The following JAK2 variants were observed in gnomAD, a reference collection of about 807,000 sequenced individuals.
JAK2 encodes Janus kinase 2.
JAK2 carries 86 observed loss-of-function variants against 139.3 expected under a neutral mutation model. The observed-to-expected ratio is 0.62, with a 90% CI of 0.52 to 0.74. The LOEUF is 0.74. JAK2 is among the 30% of genes least tolerant of loss of function. The probability of loss-of-function intolerance (pLI) is 0.00; values close to 1 mark genes in which losing one functional copy is unlikely to be tolerated. For synonymous variants in JAK2, 490 were observed against 437.7 expected (o/e 1.12, Z -1.49); for missense variants, 1,421 against 1,360.3 (o/e 1.04, Z -0.70).
Position 5,048,258 on chromosome 9 carries a change from C to A in JAK2, c.469-2428C>A, listed in dbSNP as rs372546847. On this transcript the variant is annotated intron_variant, in intron 5 of 24. Coordinates refer to ENST00000381652, the MANE Select transcript of JAK2 (RefSeq NM_004972.4). ...CCAGGTTCAAGTGATTCTCCTGACT[C>A]AGCCTCCCTAGTAGCTGGGATTACA... 6.4e-3 allele frequency among the ~76,000 whole-genome samples: 978 copies of A among 152,180 alleles called. 9 individuals are homozygous for A. The highest frequency in any genetic ancestry group is 0.023 in the African/African-American group (942 of 41,508).
rs141138627 is a variant in JAK2 at position 5,037,666 on chromosome 9, A to T, written c.351-6737A>T. On this transcript the variant is annotated intron_variant, in intron 4 of 24. Coordinates refer to ENST00000381652, the MANE Select transcript of JAK2 (RefSeq NM_004972.4). ...GGTGGGAATTGAACAATGAGAACAC[A>T]TGGACACAGGAATGGAACATCACAT... Among the ~76,000 whole-genome samples the T allele has an allele frequency of 1.6e-3, 239 of 152,256 alleles. 2 individuals carry two copies. The East Asian group carries it at 0.021, about 13-fold the overall frequency.
intron 2 of JAK2, among the ~76,000 whole-genome samples, chr9:5,020,018 C>T (rs1822307996): frequency 1.3e-5 from 2 of 152,124 alleles, no homozygotes; most frequent in Admixed American, 1.3e-4. Context: ...TTTGGGTCTC[C>T]AGGTGACTTG....
chr9:5,088,840 C>A (rs376496749), intron 19 of JAK2, among the ~76,000 whole-genome samples: 1 of 152,014 alleles, frequency 6.6e-6, no homozygotes, highest in African/African-American at 2.4e-5. Flanking sequence ...AGAGTTCCAC[C>A]CTTATAACCT....
In JAK2 at chr9:5,128,080, T is replaced by TTGCG. The variant is rs1379585761; in HGVS notation, c.*1291_*1292insCGTG. ...TAGCTAAAATAAAATATGGTGGGTT[T>TTGCG]TGTGTGTGTGTGTGTGTGTGTGTGT... On this transcript the variant is annotated 3_prime_UTR_variant, in exon 25 of 25. Transcript: ENST00000381652. 4.6e-6 allele frequency: 1 copy of TTGCG among 215,658 alleles called. No individual in the cohort carries two copies. The highest frequency in any genetic ancestry group is 6.5e-5 in the East Asian group (1 of 15,272). The allele number at this position is 215,658 out of a possible 1,614,324, so 13.4% of individuals were successfully genotyped here.
chr9:5,088,984 T>A (rs533860161), intron 19 of JAK2, among the ~76,000 whole-genome samples: 4 of 152,248 alleles, frequency 2.6e-5, no homozygotes, highest in African/African-American at 7.2e-5. Context: ...TCCATCCAGA[T>A]CACTGACAGT....
intron 22 of JAK2, among the ~76,000 whole-genome samples, chr9:5,115,302 A>T (rs558191314): frequency 2.0e-5 from 3 of 152,332 alleles, no homozygotes; most frequent in Non-Finnish European, 4.4e-5. Flanking sequence ...CAACAAACAT[A>T]TGAAAAAAAG....
At chr9:5,050,970 G>C in intron 6 of JAK2, 139 bp downstream of exon 6, 1 of 772,638 alleles carries the variant, frequency 1.3e-6, no homozygotes, top group South Asian at 1.8e-5. Context: ...CTTGGAATCA[G>C]AAATGCTTCA....
At chr9:5,045,526 C>T (rs953727341) in intron 5 of JAK2, among the ~76,000 whole-genome samples, 2 of 152,152 alleles carry the variant, frequency 1.3e-5, no homozygotes, top group Admixed American at 6.5e-5. Context: ...GAACATTTTT[C>T]ATCTTCCCAA....
Position 5,054,976 on chromosome 9 carries a change from G to A in JAK2, c.936+92G>A, listed in dbSNP as rs1563961263. On this transcript the variant is annotated intron_variant, in intron 7 of 24. Transcript: ENST00000381652. This position sits in a 1 kb window ranked among gnomAD's most constrained non-coding sequence, Gnocchi z 4.9. ...TTTTAATCATTTGCAACATGGTATT[G>A]CACTTCTCCCATTTGATAGAAGTGG... The A allele has an allele frequency of 1.1e-6, 1 of 887,148 alleles. No homozygotes were observed. Among genetic ancestry groups the A allele is most frequent in the African/African-American group, 1.7e-5 (1 of 58,968 alleles). The allele number at this position is 887,148 out of a possible 1,614,324, so 55.0% of individuals were successfully genotyped here. A position where few individuals can be genotyped will look rare whatever the true frequency, so the allele number is the denominator to read the frequency against.
intron 2 of JAK2, among the ~76,000 whole-genome samples, chr9:4,999,836 A>G (rs1320481494): frequency 6.6e-6 from 1 of 152,130 alleles, no homozygotes; most frequent in Non-Finnish European, 1.5e-5. Flanking sequence ...TTTTTTCCCA[A>G]TATTTAGACT....
At chr9:5,086,004 T>C (rs1240867217) in intron 19 of JAK2, 4 of 839,678 alleles carry the variant, frequency 4.8e-6, no homozygotes, top group Non-Finnish European at 8.3e-6. Context: ...GTGATGAAAC[T>C]GTGATATACT....
At chr9:5,041,854 A>C in intron 4 of JAK2, 1 of 467,642 alleles carries the variant, frequency 2.1e-6, no homozygotes, top group Non-Finnish European at 4.3e-6. Flanking sequence ...CTGAACGCGG[A>C]CGACCCCATG....
In JAK2 at chr9:5,080,595, C is replaced by A. The variant is rs778634399; in HGVS notation, c.2346C>A (p.Asn782Lys). ...LPAPKWAELANLINNCMDYEP... is the reference protein window; with the variant it reads ...LPAPKWAELAKLINNCMDYEP... ...CACCAAAGTGGGCAGAATTAGCAAA[C>A]CTTATAAATAATTGTATGGATTATG... Residue 782 changes from asparagine to lysine, a missense_variant, in exon 18 of 25, where the codon AAC becomes AAA. Transcript: ENST00000381652. The A allele has an allele frequency of 5.0e-6, 8 of 1,607,698 alleles. No individual in the cohort carries two copies. Among genetic ancestry groups the A allele is most frequent in the African/African-American group, 4.0e-5 (3 of 74,184 alleles).
At chr9:5,085,749 C>G in intron 19 of JAK2, 1 of 754,566 alleles carries the variant, frequency 1.3e-6, no homozygotes, top group South Asian at 1.4e-5. Flanking sequence ...GGCGCGCTGG[C>G]TAGCTTGCAC....
chr9:5,115,311 A>G (rs957102950), intron 22 of JAK2, among the ~76,000 whole-genome samples: 2 of 152,216 alleles, frequency 1.3e-5, no homozygotes, highest in African/African-American at 4.8e-5. Context: ...TATGAAAAAA[A>G]GCTCATCATC....
chr9:5,030,997 A>G (rs1823111015), intron 4 of JAK2, among the ~76,000 whole-genome samples: 1 of 152,166 alleles, frequency 6.6e-6, no homozygotes, highest in Admixed American at 6.5e-5. Flanking sequence ...CAGTGTAGCT[A>G]CAAAAACCCT....
intron 22 of JAK2, chr9:5,114,402 A>G: frequency 2.0e-6 from 1 of 511,622 alleles, no homozygotes; most frequent in Admixed American, 2.3e-5. Context: ...GGTGGGCACC[A>G]GAGACTGGAT....
chr9:5,082,075 G>A (rs1385706703), intron 19 of JAK2, among the ~76,000 whole-genome samples: 3 of 152,314 alleles, frequency 2.0e-5, no homozygotes, highest in African/African-American at 7.2e-5. Flanking sequence ...GGTAATTCTC[G>A]TCAGGTGGGA....
rs1171100542 is a variant in JAK2, at chr9:4,985,345, T to G, written c.-394T>G. The G allele has an allele frequency of 6.6e-6, 1 of 152,370 alleles. No homozygotes were observed. Among genetic ancestry groups the G allele is most frequent in the Admixed American group, 6.5e-5 (1 of 15,284 alleles). 9.4% of individuals were successfully genotyped at this position (152,370 alleles called of 1,614,324 possible). ...AGGCTGGGCCGGCGCCCGGCTCGCT[T>G]GGGTGTTCGCGTCGCCACTTCGGCT... On this transcript the variant is annotated 5_prime_UTR_variant, in exon 1 of 25. Coordinates refer to ENST00000381652, the MANE Select transcript of JAK2 (RefSeq NM_004972.4).
Sources: allele counts gnomAD v4.1 joint callset (sites outside exome capture counted in the v4.1 genomes callset), GRCh38; gene constraint gnomAD v4.1.1; non-coding constraint Gnocchi (gnomAD v3.1); transcripts MANE v1.5; gene names NCBI Gene and HGNC (gene_info 2026-07-23, HGNC 2026-07-21).